The following IQCF1 variants were observed in gnomAD, a reference collection of about 807,000 sequenced individuals.
IQCF1 encodes IQ domain-containing protein F1.
In IQCF1, 9 loss-of-function variants were observed where a neutral mutation model predicts 12.5. The observed-to-expected ratio is 0.72, with a 90% CI of 0.43 to 1.26. The LOEUF (loss-of-function observed/expected upper bound fraction) is 1.26. IQCF1 is among the 50% of genes most tolerant of loss of function. The pLI is 0.00. For synonymous variants in IQCF1, 67 were observed against 96.2 expected, an observed-to-expected ratio of 0.70 and a Z score of 1.78; for missense variants, 252 against 257.4, an observed-to-expected ratio of 0.98 and a Z score of 0.14.
chr3:51,902,997 C>T lies in IQCF1; in HGVS notation c.96G>A (p.Glu32=). ...GGGCTCCTCCTACCTCTGCCTTTGA[C>T]TCTGCTCCTAAGGACAAATGGGTTG... is the stretch of plus-strand genomic sequence containing the variant. ...EMPTHLSLGA[E]SKAEAKTPVL... is the part of the protein sequence containing the mutation. The change falls in exon 2 of 4, where the codon GAG becomes GAA. Residue 32 remains glutamate, a synonymous_variant. Coordinates refer to ENST00000310914, the MANE Select transcript of IQCF1 (RefSeq NM_152397.3). 1 of 1,613,896 alleles carries T rather than the reference C, an allele frequency of 6.2e-7. No individual in the cohort carries two copies. The highest frequency in any genetic ancestry group is 8.5e-7 in the Non-Finnish European group (1 of 1,179,762).
rs551800019 is a variant in IQCF1 at position 51,895,507 on chromosome 3, C to G, written c.172-171G>C. ...AGAAGATCAGGTAGATGTCCTGCCT[C>G]TGCCATCCTCTGGTTGATAGCCACA... On this transcript the variant is annotated intron_variant, in intron 3 of 3. Transcript: ENST00000310914. This position sits in a 1 kb window ranked among gnomAD's most constrained non-coding sequence, Gnocchi z 4.8. Among the ~76,000 whole-genome samples, 36 of 152,310 alleles carry G rather than the reference C, an allele frequency of 2.4e-4. No homozygotes were observed. Among genetic ancestry groups the G allele is most frequent in the African/African-American group, 8.2e-4 (34 of 41,570 alleles).
At chr3:51,896,693 GCGCA>G in intron 3 of IQCF1, 135 bp downstream of exon 3, 6 of 653,756 alleles carry the variant, frequency 9.2e-6, no homozygotes, top group South Asian at 7.3e-5. Context: ...TCAAACACGC[GCGCA>G]CACACACACA....
rs755522737 is a variant in IQCF1, at chr3:51,903,226, TG to T, written c.3+43del. ...GGGTCCCTTCACCCTGAGAGATCTA[TG>T]GGGACATCCCTAACAAGCCTGGTGT... On this transcript the variant is annotated intron_variant, in intron 1 of 3. Coordinates refer to ENST00000310914, the MANE Select transcript of IQCF1 (RefSeq NM_152397.3). 98 of 1,611,422 alleles carry T rather than the reference TG, an allele frequency of 6.1e-5. 1 individual carries two copies. The highest frequency in any genetic ancestry group is 4.2e-4 in the South Asian group (38 of 91,040).
At position 51,898,111 on chromosome 3, in the gene IQCF1, G is replaced by A. The variant is rs117887099; in HGVS notation, c.109-1217C>T. Reference sequence around the variant, plus strand: ...CCCAACGGTACCTCCCCTAGGGGAAGGGGAAGGAGAGGGAAGAACAATAGT... The same window carrying A: ...CCCAACGGTACCTCCCCTAGGGGAAAGGGAAGGAGAGGGAAGAACAATAGT... On this transcript the variant is annotated intron_variant, in intron 2 of 3. Transcript: ENST00000310914. Among the ~76,000 whole-genome samples, 4 of 152,320 alleles carry A rather than the reference G, an allele frequency of 2.6e-5. No individual in the cohort carries two copies. In the East Asian group the frequency reaches 5.8e-4, roughly 22 times the overall value.
At chr3:51,896,956 C>G in intron 2 of IQCF1, 62 bp from the exon 3 acceptor site, 1 of 1,293,830 alleles carries the variant, frequency 7.7e-7, no homozygotes, top group Non-Finnish European at 1.1e-6. Context: ...CTTCTTAGCC[C>G]AGCACTGTTA....
chr3:51,903,178 T>G, intron 1 of IQCF1, 89 bp from the exon 2 acceptor site: 1 of 1,592,418 alleles, frequency 6.3e-7, no homozygotes, highest in South Asian at 1.1e-5. Context: ...CTTCCAGGGC[T>G]TCTTAGAGTC....
At chr3:51,899,774 A>C (rs1164108371) in intron 2 of IQCF1, among the ~76,000 whole-genome samples, 1 of 152,238 alleles carries the variant, frequency 6.6e-6, no homozygotes, top group African/African-American at 2.4e-5. Flanking sequence ...GACATCAAAA[A>C]TTGGATAAAT....
chr3:51,901,448 T>C (rs1227628006), intron 2 of IQCF1, among the ~76,000 whole-genome samples: 1 of 152,240 alleles, frequency 6.6e-6, no homozygotes, highest in Non-Finnish European at 1.5e-5. Flanking sequence ...TTAAGAATTT[T>C]CAAGAGCTTA....
At chr3:51,899,999 T>C (rs1002484994) in intron 2 of IQCF1, among the ~76,000 whole-genome samples, 1 of 152,170 alleles carries the variant, frequency 6.6e-6, no homozygotes, top group Non-Finnish European at 1.5e-5. Flanking sequence ...ACTGCTGATG[T>C]CCCCACATTT....
Position 51,896,870 on chromosome 3 carries a change from T to C in IQCF1, c.133A>G (p.Thr45Ala), listed in dbSNP as rs773458106. 6.2e-7 allele frequency: 1 copy of C among 1,613,510 alleles called. No homozygotes were observed. Among genetic ancestry groups the C allele is most frequent in the Non-Finnish European group, 8.5e-7 (1 of 1,179,466 alleles). ...AEAKTPVLVE[T>A]QTVDNANEKS... is the part of the protein sequence containing the mutation. ...TCATTGGCATTGTCCACTGTCTGTGTCTCAACCAGAACTGGAGTTTTAGCC... is the reference window on the plus strand; with the variant it reads ...TCATTGGCATTGTCCACTGTCTGTGCCTCAACCAGAACTGGAGTTTTAGCC... Residue 45 changes from threonine to alanine, a missense_variant, in exon 3 of 4, where the codon ACA becomes GCA. By Grantham distance (58) the Thr-to-Ala change is moderately conservative (BLOSUM62 0). Transcript: ENST00000310914.
In IQCF1 at chr3:51,903,068, T is replaced by C. The variant is rs756351498; in HGVS notation, c.25A>G (p.Thr9Ala). Residue 9 changes from threonine (T) to alanine (A), a missense_variant, in exon 2 of 4, where the codon ACG (threonine) becomes GCG (alanine). By Grantham distance (58) the Thr-to-Ala change is moderately conservative (BLOSUM62 0). Transcript: ENST00000310914. ...TCATCTTCTTTTGAGGGTTCCTTCGTCTTTTGGGGCTGCTTCTCCTCCTGC... is the reference window on the plus strand; with the variant it reads ...TCATCTTCTTTTGAGGGTTCCTTCGCCTTTTGGGGCTGCTTCTCCTCCTGC... MEEKQPQK[T>A]KEPSKEDEPQ... The C allele has an allele frequency of 8.1e-6, 13 of 1,613,984 alleles. No homozygotes were observed. Among genetic ancestry groups the C allele is most frequent in the African/African-American group, 1.3e-5 (1 of 74,894 alleles).
At chr3:51,903,144 A>T (rs1201925783) in intron 1 of IQCF1, 55 bp from the exon 2 acceptor site, 4 of 1,591,394 alleles carry the variant, frequency 2.5e-6, no homozygotes, top group Admixed American at 3.3e-5. Flanking sequence ...CTCCCTCTCC[A>T]TTCAATATGG....
chr3:51,901,508 T>C (rs1054276038), intron 2 of IQCF1, among the ~76,000 whole-genome samples: 15 of 152,222 alleles, frequency 9.9e-5, no homozygotes, highest in Non-Finnish European at 1.5e-5. Flanking sequence ...GGTGGTATTG[T>C]GGTGGACCTT....
At chr3:51,899,244 T>C (rs963740284) in intron 2 of IQCF1, among the ~76,000 whole-genome samples, 4 of 152,170 alleles carry the variant, frequency 2.6e-5, no homozygotes, top group Admixed American at 6.6e-5. Flanking sequence ...TATTATATGG[T>C]AAATTCTTGT....
chr3:51,899,481 G>A (rs1258478001), intron 2 of IQCF1, among the ~76,000 whole-genome samples: 1 of 152,194 alleles, frequency 6.6e-6, no homozygotes, highest in Non-Finnish European at 1.5e-5. Context: ...TATACCTTTG[G>A]TAAAAGGATT....
intron 2 of IQCF1, among the ~76,000 whole-genome samples, chr3:51,902,200 G>A (rs149964672): frequency 5.8e-4 from 88 of 152,290 alleles, no homozygotes; most frequent in African/African-American, 2.1e-3. Flanking sequence ...CCATGCGTCC[G>A]TGGGTTGGTG....
At chr3:51,899,173 G>A (rs1321588608) in intron 2 of IQCF1, among the ~76,000 whole-genome samples, 1 of 151,568 alleles carries the variant, frequency 6.6e-6, no homozygotes, top group East Asian at 1.9e-4. Context: ...CATTGGAAAA[G>A]AATGGTTATC....
rs200264342 is a variant in IQCF1 at position 51,895,144 on chromosome 3, A to T, written c.364T>A (p.Ser122Thr). ...GTGACTGCTGCCCACTCCTTCCGGG[A>T]GAAGGCCTCTAGCGCTGCCTGCCGC... ...KRRQAALEAF[S>T]RKEWAAVTLQ... is the part of the protein sequence containing the mutation. Residue 122 changes from serine (S) to threonine (T), a missense_variant, in exon 4 of 4, where the codon TCC (serine) becomes ACC (threonine). Ser to Thr is a moderately conservative substitution (Grantham distance 58). Coordinates refer to ENST00000310914, the MANE Select transcript of IQCF1 (RefSeq NM_152397.3). The surrounding 1 kb of genome is among the most constrained non-coding windows in gnomAD (Gnocchi z 4.8). 9 of 1,614,204 alleles carry T rather than the reference A, an allele frequency of 5.6e-6. No individual in the cohort carries two copies. In the Admixed American group the frequency reaches 1.5e-4, roughly 27 times the overall value.
chr3:51,896,138 T>C (rs1484648181), intron 3 of IQCF1, among the ~76,000 whole-genome samples: 4 of 152,224 alleles, frequency 2.6e-5, no homozygotes, highest in South Asian at 4.1e-4. Context: ...TAGGAAACAT[T>C]TGTCCTCTGT....
Sources: allele counts gnomAD v4.1 joint callset (sites outside exome capture counted in the v4.1 genomes callset), GRCh38; gene constraint gnomAD v4.1.1; non-coding constraint Gnocchi (gnomAD v3.1); transcripts MANE v1.5; gene names NCBI Gene and HGNC (gene_info 2026-07-23, HGNC 2026-07-21).